ICA1L: variants seen among roughly 807,000 people sequenced by gnomAD.
The protein encoded by ICA1L is islet cell autoantigen 1 like, also known as islet cell autoantigen 1-like protein.
Under a neutral mutation model 61.3 loss-of-function variants are expected in ICA1L, and 50 were observed. The ratio of observed to expected loss-of-function variants is 0.82; its 90% CI spans 0.65 to 1.03. The LOEUF is 1.03. Ranked by LOEUF, ICA1L falls within the 50% of genes least tolerant of loss-of-function variation. ICA1L has a pLI of 0.00. For missense variants in ICA1L, 508 were observed against 556.7 expected, an observed-to-expected ratio of 0.91 and a Z score of 0.88; for synonymous variants, 161 against 191.3, an observed-to-expected ratio of 0.84 and a Z score of 1.31.
intron 12 of ICA1L, 131 bp from the exon 13 acceptor site, chr2:202,779,779 T>TCAA (rs1692337840): frequency 1.7e-6 from 1 of 587,848 alleles, no homozygotes; most frequent in Admixed American, 3.3e-5. Flanking sequence ...CAATAATCTA[T>TCAA]CAACTATAGT....
At position 202,841,485 on chromosome 2, in the gene ICA1L, GT is replaced by G; in HGVS notation, c.-7-12470del. The G allele has an allele frequency of 3.8e-6, 3 of 798,510 alleles. No individual in the cohort carries two copies. The African/African-American group carries it at 5.0e-5, about 13-fold the overall frequency. 49.5% of individuals were successfully genotyped at this position (798,510 alleles called of 1,614,324 possible). A position where few individuals can be genotyped will look rare whatever the true frequency, so the allele number is the denominator to read the frequency against. On this transcript the variant is annotated intron_variant, in intron 1 of 12. Transcript: ENST00000358299. ...TGTCTATGGAGGAGGCAAATTTGTT[GT>G]TGAGGGTCCTTCTCCTGGGTGCACA...
Position 202,813,431 on chromosome 2 carries a change from G to A in ICA1L, c.866+1271C>T, listed in dbSNP as rs1362779643. On this transcript the variant is annotated intron_variant, in intron 8 of 12. Coordinates refer to ENST00000358299, the MANE Select transcript of ICA1L (RefSeq NM_001288622.3). ...CTACATTTGTGTCTTAGTTCATTTTGTGTTGCTATAAGAGAATACCTGAGA... is the reference window on the plus strand; with the variant it reads ...CTACATTTGTGTCTTAGTTCATTTTATGTTGCTATAAGAGAATACCTGAGA... 2.0e-5 allele frequency among the ~76,000 whole-genome samples: 3 copies of A among 152,270 alleles called. No individual in the cohort carries two copies. In the East Asian group the frequency reaches 5.8e-4, roughly 29 times the overall value.
chr2:202,776,918 T>A lies in ICA1L; in HGVS notation c.*2615A>T, dbSNP rs1692240302. ...TTTCTGCTTTGTCTGCTTGTTAAAG[T>A]ATCTGTATTCGATAACAGGGACTTC... On this transcript the variant is annotated 3_prime_UTR_variant, in exon 13 of 13. Coordinates refer to ENST00000358299, the MANE Select transcript of ICA1L (RefSeq NM_001288622.3). 1 of 152,144 alleles carries A rather than the reference T, an allele frequency of 6.6e-6. No individual in the cohort carries two copies. The allele number at this position is 152,144 out of a possible 1,614,324, so 9.4% of individuals were successfully genotyped here. A position where few individuals can be genotyped will look rare whatever the true frequency, so the allele number is the denominator to read the frequency against.
At chr2:202,780,955 C>G (rs989200491) in intron 12 of ICA1L, among the ~76,000 whole-genome samples, 1 of 152,128 alleles carries the variant, frequency 6.6e-6, no homozygotes, top group African/African-American at 2.4e-5. Context: ...AATAGGGGCA[C>G]TATTAGTCAT....
chr2:202,847,770 T>A (rs556759696), intron 1 of ICA1L, among the ~76,000 whole-genome samples: 2 of 143,752 alleles, frequency 1.4e-5, no homozygotes, highest in East Asian at 2.1e-4. Flanking sequence ...AACAAAAAGA[T>A]ACAGGCACTT....
rs116544940 is a variant in ICA1L at position 202,839,647 on chromosome 2, C to T, written c.-7-10631G>A. On this transcript the variant is annotated intron_variant, in intron 1 of 12. Coordinates refer to ENST00000358299, the MANE Select transcript of ICA1L (RefSeq NM_001288622.3). ...TGTTTTGTTTTTTAACCTATTCAGC[C>T]AGTCTGCCTTTTGGTTGAAGAATTT... Among the ~76,000 whole-genome samples, 473 of 144,502 alleles carry T rather than the reference C, an allele frequency of 3.3e-3. 1 individual carries two copies. The highest frequency in any genetic ancestry group is 0.012 in the African/African-American group (447 of 37,872). The allele number at this position is 144,502 out of a possible 152,430, so 94.8% of individuals were successfully genotyped here.
At chr2:202,825,634 TA>T (rs1348517115) in intron 3 of ICA1L, 60 bp downstream of exon 3, 1 of 1,337,262 alleles carries the variant, frequency 7.5e-7, no homozygotes, top group Non-Finnish European at 1.0e-6. Context: ...TCTTTCATTT[TA>T]AAAAATGCTA....
At chr2:202,832,892 G>A (rs1694052654) in intron 1 of ICA1L, among the ~76,000 whole-genome samples, 1 of 152,124 alleles carries the variant, frequency 6.6e-6, no homozygotes, top group Admixed American at 6.5e-5. Flanking sequence ...CAAGGGGTGG[G>A]AGGAGGAAGG....
rs1692145347 is a variant in ICA1L at position 202,774,276 on chromosome 2, C to T, written c.*5257G>A. 22 of 1,541,608 alleles carry T rather than the reference C, an allele frequency of 1.4e-5. No homozygotes were observed. Among genetic ancestry groups the T allele is most frequent in the Admixed American group, 8.1e-5 (4 of 49,098 alleles). ...TCGGCCAAAGGCCGTGACCCCGACGCGTGCAGGCACCTACGGGCGACCGCG... is the reference window on the plus strand; with the variant it reads ...TCGGCCAAAGGCCGTGACCCCGACGTGTGCAGGCACCTACGGGCGACCGCG... On this transcript the variant is annotated 3_prime_UTR_variant, in exon 13 of 13. Transcript: ENST00000358299.
intron 9 of ICA1L, among the ~76,000 whole-genome samples, chr2:202,806,692 CTTTTA>C (rs1693237313): frequency 6.6e-6 from 1 of 151,172 alleles, no homozygotes; most frequent in Admixed American, 6.6e-5. Context: ...AATATTTTTT[CTTTTA>C]TTTATTGGTC....
chr2:202,814,726 C>A lies in ICA1L; in HGVS notation c.842G>T (p.Gly281Val). The stretch of plus-strand genomic sequence containing the variant: ...CTTATTGAGCTGTTCAGTAAGAAAA[C>A]CGCCTATTTGTTCATCTTTATTGTC... ...SEDNKDEQIG[G>V]FLTEQLNKLV... The change falls in exon 8 of 13, where the codon GGT (glycine) becomes GTT (valine). Residue 281 changes from glycine to valine, a missense_variant. By Grantham distance (109) the Gly-to-Val change is moderately radical. Coordinates refer to ENST00000358299, the MANE Select transcript of ICA1L (RefSeq NM_001288622.3). 1 of 1,613,624 alleles carries A rather than the reference C, an allele frequency of 6.2e-7. No individual in the cohort carries two copies. The highest frequency in any genetic ancestry group is 8.5e-7 in the Non-Finnish European group (1 of 1,179,722).
At chr2:202,780,151 G>T (rs186782863) in intron 12 of ICA1L, among the ~76,000 whole-genome samples, 2 of 152,174 alleles carry the variant, frequency 1.3e-5, no homozygotes, top group East Asian at 3.9e-4. Flanking sequence ...AGTAAGAAAT[G>T]ACATTTGTAA....
At chr2:202,809,077 G>A (rs1221400262) in intron 9 of ICA1L, among the ~76,000 whole-genome samples, 1 of 152,090 alleles carries the variant, frequency 6.6e-6, no homozygotes, top group East Asian at 1.9e-4. Context: ...TGAAGTGACA[G>A]AGATATGTGA....
intron 2 of ICA1L, 115 bp downstream of exon 2, chr2:202,828,733 T>G: frequency 1.2e-6 from 1 of 809,256 alleles, no homozygotes; most frequent in East Asian, 2.6e-5. Flanking sequence ...AAACATTCTA[T>G]TATCAAATTT....
Position 202,821,373 on chromosome 2 carries a change from GA to G in ICA1L, c.343del (p.Ser115LeufsTer16). 1 of 1,613,344 alleles carries G rather than the reference GA, an allele frequency of 6.2e-7. No homozygotes were observed. Among genetic ancestry groups the G allele is most frequent in the Non-Finnish European group, 8.5e-7 (1 of 1,179,766 alleles). On this transcript the variant is annotated frameshift_variant, in exon 4 of 13. Transcript: ENST00000358299. LOFTEE classifies it high-confidence loss of function. ...MMDATGKALC[S>X]SAKQRLALCT... ...CATGGTAAACCTTTGCTTGGCTGAAGAACAAAGTGCCTTGCCAGTGGCATCC... is the reference window on the plus strand; with the variant it reads ...CATGGTAAACCTTTGCTTGGCTGAAGACAAAGTGCCTTGCCAGTGGCATCC...
chr2:202,836,797 A>ATC (rs761191910), intron 1 of ICA1L, among the ~76,000 whole-genome samples: 1 of 147,728 alleles, frequency 6.8e-6, no homozygotes, highest in Non-Finnish European at 1.5e-5. Flanking sequence ...GTGTATATCT[A>ATC]TATATATAGA....
intron 1 of ICA1L, among the ~76,000 whole-genome samples, chr2:202,830,825 A>G (rs1386896166): frequency 6.6e-6 from 1 of 152,204 alleles, no homozygotes; most frequent in Non-Finnish European, 1.5e-5. Context: ...GGCATGTAAC[A>G]CACAGTACAA....
At position 202,774,245 on chromosome 2, in the gene ICA1L, C is replaced by T. The variant is rs937445735; in HGVS notation, c.*5288G>A. ...GCGGGGCGGCTCCTGAGTCTTCTCG[C>T]TCCTGTCGGCCAAAGGCCGTGACCC... On this transcript the variant is annotated 3_prime_UTR_variant, in exon 13 of 13. Transcript: ENST00000358299. 27 of 1,546,766 alleles carry T rather than the reference C, an allele frequency of 1.7e-5. No individual in the cohort carries two copies. The South Asian group carries it at 2.9e-4, about 16-fold the overall frequency.
chr2:202,840,628 G>A, intron 1 of ICA1L: 1 of 580,002 alleles, frequency 1.7e-6, no homozygotes, highest in Non-Finnish European at 3.3e-6. Flanking sequence ...TGATCTTGAT[G>A]TCCAGGGCCA....
Sources: allele counts gnomAD v4.1 joint callset (sites outside exome capture counted in the v4.1 genomes callset), GRCh38; gene constraint gnomAD v4.1.1; transcripts MANE v1.5; gene names NCBI Gene and HGNC (gene_info 2026-07-23, HGNC 2026-07-21).